ACYP2: variants seen among roughly 807,000 people sequenced by gnomAD.
The protein encoded by ACYP2 is acylphosphatase 2.
In ACYP2, 12 loss-of-function variants were observed where a neutral mutation model predicts 11.2. The observed-to-expected ratio is 1.08, with a 90% confidence interval of 0.69 to 1.74. The LOEUF is 1.74. Among genes scored for constraint, ACYP2 ranks in the 40% most tolerant of loss-of-function variants. The pLI, the probability that ACYP2 is intolerant of heterozygous loss-of-function variation, is 0.00. For missense variants in ACYP2, 134 were observed against 101.9 expected, an observed-to-expected ratio of 1.31 and a Z score of -1.35; for synonymous variants, 43 against 32.2, an observed-to-expected ratio of 1.33 and a Z score of -1.13.
chr2:54,201,566 A>G (rs139441724), intron 6 of ACYP2, among the ~76,000 whole-genome samples: 67 of 150,972 alleles, frequency 4.4e-4, no homozygotes, highest in African/African-American at 1.6e-3. Flanking sequence ...TTAAAATTGG[A>G]TGATAGCCAG....
chr2:54,275,973 T>A (rs1688544607), intron 6 of ACYP2, among the ~76,000 whole-genome samples: 1 of 152,220 alleles, frequency 6.6e-6, no homozygotes, highest in Admixed American at 6.5e-5. Flanking sequence ...TATATTTATA[T>A]GTCATATATC....
At chr2:53,977,224 T>C (rs142372750) in intron 2 of ACYP2, among the ~76,000 whole-genome samples, 1 of 152,000 alleles carries the variant, frequency 6.6e-6, no homozygotes, top group Admixed American at 6.6e-5. Context: ...ATTTTTTATA[T>C]TTTTAGTAGA....
At chr2:54,023,277 T>C (rs1406324351) in intron 2 of ACYP2, among the ~76,000 whole-genome samples, 1 of 152,184 alleles carries the variant, frequency 6.6e-6, no homozygotes, top group Non-Finnish European at 1.5e-5. Flanking sequence ...GAAGTGGAAT[T>C]GCTAGCTCTT....
chr2:54,177,916 T>A (rs533969796), intron 6 of ACYP2, among the ~76,000 whole-genome samples: 1 of 146,956 alleles, frequency 6.8e-6, no homozygotes, highest in Admixed American at 6.7e-5. Context: ...TTTTTTTTTT[T>A]TTTTTTGAGA....
intron 4 of ACYP2, among the ~76,000 whole-genome samples, chr2:54,092,984 A>G (rs575527195): frequency 1.1e-4 from 16 of 152,254 alleles, no homozygotes; most frequent in Admixed American, 9.2e-4. Context: ...AATCGTTCAG[A>G]GTAGACAACT....
At chr2:54,166,258 G>T (rs1047690081) in intron 6 of ACYP2, among the ~76,000 whole-genome samples, 1 of 152,126 alleles carries the variant, frequency 6.6e-6, no homozygotes, top group African/African-American at 2.4e-5. Flanking sequence ...TGTGTCCTCT[G>T]GGCAAGCATT....
At chr2:54,235,289 T>A (rs1015909808) in intron 6 of ACYP2, among the ~76,000 whole-genome samples, 8 of 150,592 alleles carry the variant, frequency 5.3e-5, no homozygotes, top group African/African-American at 9.7e-5. Context: ...TTTTTTTTTT[T>A]AATTAAGTTT....
chr2:54,282,389 C>G (rs1276625983), intron 6 of ACYP2, among the ~76,000 whole-genome samples: 1 of 152,164 alleles, frequency 6.6e-6, no homozygotes, highest in Non-Finnish European at 1.5e-5. Context: ...TTTGTGTCCT[C>G]ACCCTGCTCC....
At chr2:54,064,645 G>C (rs2103637411) in intron 4 of ACYP2, among the ~76,000 whole-genome samples, 1 of 152,260 alleles carries the variant, frequency 6.6e-6, no homozygotes, top group South Asian at 2.1e-4. Context: ...GTACCTTATA[G>C]ATCATGCTAA....
At chr2:54,150,672 T>C (rs1409488762) in intron 6 of ACYP2, among the ~76,000 whole-genome samples, 2 of 152,066 alleles carry the variant, frequency 1.3e-5, no homozygotes, top group Non-Finnish European at 2.9e-5. Flanking sequence ...TCGGCCCATC[T>C]CGGCCTCCCA....
At chr2:54,268,561 G>A (rs1025254385) in intron 6 of ACYP2, among the ~76,000 whole-genome samples, 8 of 151,710 alleles carry the variant, frequency 5.3e-5, no homozygotes, top group African/African-American at 1.9e-4. Flanking sequence ...CAGCAAGTTG[G>A]GAGGCTGAGA....
At chr2:54,139,162 T>C (rs144245874) in intron 6 of ACYP2, among the ~76,000 whole-genome samples, 68 of 152,318 alleles carry the variant, frequency 4.5e-4, no homozygotes, top group Middle Eastern at 3.4e-3. Flanking sequence ...CCAATTTGTA[T>C]GTCCTGTGGC....
At chr2:54,096,615 G>A (rs1293752749) in intron 4 of ACYP2, among the ~76,000 whole-genome samples, 1 of 152,152 alleles carries the variant, frequency 6.6e-6, no homozygotes, top group Non-Finnish European at 1.5e-5. Flanking sequence ...CGGATCCCTC[G>A]CGGTTAGGAG....
chr2:54,006,526 T>C (rs1190679947), intron 2 of ACYP2, among the ~76,000 whole-genome samples: 1 of 152,186 alleles, frequency 6.6e-6, no homozygotes, highest in Non-Finnish European at 1.5e-5. Context: ...TGGGCTTAAG[T>C]GATCCTCCTG....
intron 1 of ACYP2, among the ~76,000 whole-genome samples, chr2:53,972,773 G>C (rs1393863095): frequency 6.6e-6 from 1 of 152,208 alleles, no homozygotes; most frequent in Non-Finnish European, 1.5e-5. Flanking sequence ...GACTGAAAGT[G>C]AAAAATTAAA....
intron 4 of ACYP2, among the ~76,000 whole-genome samples, chr2:54,073,087 T>C (rs1677151820): frequency 6.6e-6 from 1 of 152,176 alleles, no homozygotes; most frequent in Non-Finnish European, 1.5e-5. Flanking sequence ...AACTCTTATA[T>C]TTACAGTCAA....
intron 4 of ACYP2, chr2:54,065,989 G>C (rs1676724969): frequency 6.6e-6 from 1 of 152,488 alleles, no homozygotes; most frequent in African/African-American, 2.4e-5. Flanking sequence ...TTTATTTGTT[G>C]TGCACTTATT....
rs144888057 is a variant in ACYP2 at position 54,213,615 on chromosome 2, T to A, written c.404+74867T>A. 1.1e-4 allele frequency among the ~76,000 whole-genome samples: 17 copies of A among 152,330 alleles called. No homozygotes were observed. The East Asian group carries it at 3.3e-3, about 29-fold the overall frequency. ...TTTTTTGACTTTTTAATAGTAGCCA[T>A]TCTGACTGGTATGAGGTGGTATCTC... On this transcript the variant is annotated intron_variant, in intron 6 of 6. Transcript: ENST00000607452.
intron 6 of ACYP2, chr2:54,255,729 C>T (rs762306404): frequency 1.1e-5 from 18 of 1,613,888 alleles, no homozygotes; most frequent in Non-Finnish European, 1.4e-5. Context: ...CCTCTGCAAT[C>T]ACTTCAGACT....
Sources: allele counts gnomAD v4.1 joint callset (sites outside exome capture counted in the v4.1 genomes callset), GRCh38; gene constraint gnomAD v4.1.1; transcripts MANE v1.5; gene names NCBI Gene and HGNC (gene_info 2026-07-23, HGNC 2026-07-21).